The following WASHC4 variants were observed in gnomAD, a reference collection of about 807,000 sequenced individuals.
The protein encoded by WASHC4 is WASH complex subunit 4.
A neutral mutation model predicts 166.6 loss-of-function variants in WASHC4; 86 were observed. The observed-to-expected ratio is 0.52, with a 90% CI of 0.43 to 0.62. WASHC4 has a LOEUF of 0.62. Ranked by LOEUF, WASHC4 falls within the 20% of genes least tolerant of loss-of-function variation. The pLI, the probability that WASHC4 is intolerant of heterozygous loss-of-function variation, is 0.00. For missense variants in WASHC4, 1,262 were observed against 1,382.4 expected, an observed-to-expected ratio of 0.91 and a Z score of 1.38; for synonymous variants, 446 against 451.6, an observed-to-expected ratio of 0.99 and a Z score of 0.16.
At position 105,164,190 on chromosome 12, in the gene WASHC4, A is replaced by T; in HGVS notation, c.3237A>T (p.Lys1079Asn). The change falls in exon 31 of 33, where the codon AAA (lysine) becomes AAT (asparagine). Residue 1079 changes from lysine to asparagine, a missense_variant. Transcript: ENST00000332180. The stretch of plus-strand genomic sequence containing the variant: ...ACTGGTTCCAGTCTGTTAGAGAGAA[A>T]TACCTGAAGGAGATAAGAGCAGTTG... ...SLHWFQSVRE[K>N]YLKEIRAVAK... 1 of 1,614,136 alleles carries T rather than the reference A, an allele frequency of 6.2e-7. No homozygotes were observed.
At chr12:105,158,324 G>T (rs1445778509) in intron 28 of WASHC4, among the ~76,000 whole-genome samples, 1 of 152,116 alleles carries the variant, frequency 6.6e-6, no homozygotes, top group African/African-American at 2.4e-5. Flanking sequence ...GGAGAAAACT[G>T]TCTTTACAGT....
chr12:105,122,043 T>A lies in WASHC4; in HGVS notation c.666-75T>A. 3 of 1,110,050 alleles carry A rather than the reference T, an allele frequency of 2.7e-6. No homozygotes were observed. In the East Asian group the frequency reaches 7.9e-5, roughly 29 times the overall value. 68.8% of individuals were successfully genotyped at this position (1,110,050 alleles called of 1,614,324 possible). A position where few individuals can be genotyped will look rare whatever the true frequency, so the allele number is the denominator to read the frequency against. On this transcript the variant is annotated intron_variant, in intron 9 of 32. Coordinates refer to ENST00000332180, the MANE Select transcript of WASHC4 (RefSeq NM_015275.3). ...GAAATATAAATATAAAATTTTGACT[T>A]CCAGGAAAATTTTTAATTTTTAATT...
intron 26 of WASHC4, 99 bp from the exon 27 acceptor site, chr12:105,156,627 G>C: frequency 1.0e-6 from 1 of 967,722 alleles, no homozygotes; most frequent in South Asian, 1.5e-5. Flanking sequence ...TGGTTCTTAG[G>C]AGTGGAAACC....
intron 25 of WASHC4, among the ~76,000 whole-genome samples, chr12:105,152,078 G>C (rs1883814469): frequency 6.6e-6 from 1 of 152,154 alleles, no homozygotes; most frequent in Non-Finnish European, 1.5e-5. Context: ...TTTTCTGTTA[G>C]AGTTGTTGGA....
At chr12:105,115,879 C>T (rs894062836) in intron 6 of WASHC4, 151 bp downstream of exon 6, 1 of 628,334 alleles carries the variant, frequency 1.6e-6, no homozygotes, top group Non-Finnish European at 2.9e-6. Context: ...TTTAGGAGAT[C>T]ATAACTCCTA....
chr12:105,143,143 T>C lies in WASHC4; in HGVS notation c.1910T>C (p.Leu637Ser). The C allele has an allele frequency of 6.2e-7, 1 of 1,609,370 alleles. No homozygotes were observed. Among genetic ancestry groups the C allele is most frequent in the Non-Finnish European group, 8.5e-7 (1 of 1,176,048 alleles). The change falls in exon 20 of 33, where the codon TTG becomes TCG. Residue 637 changes from leucine to serine, a missense_variant. Leu to Ser is a moderately radical substitution (Grantham distance 145, BLOSUM62 -2). Transcript: ENST00000332180. Reference sequence around the variant, plus strand: ...TCTTCTTAGTACATGTTCAGTGCTTTGCGCGACTGTGTACCTGCTATGATG... The same window carrying C: ...TCTTCTTAGTACATGTTCAGTGCTTCGCGCGACTGTGTACCTGCTATGATG... ...AARLHYMFSA[L>S]RDCVPAMMHA...
intron 10 of WASHC4, among the ~76,000 whole-genome samples, chr12:105,124,944 G>A (rs892366483): frequency 4.6e-5 from 7 of 152,054 alleles, no homozygotes; most frequent in Admixed American, 2.6e-4. Context: ...TTTTACTCAC[G>A]CTAGCCACAT....
At chr12:105,151,380 A>G (rs1332813800) in intron 25 of WASHC4, among the ~76,000 whole-genome samples, 2 of 152,090 alleles carry the variant, frequency 1.3e-5, no homozygotes, top group African/African-American at 4.8e-5. Context: ...TCTCTTGTAT[A>G]ATGGTTGCTA....
chr12:105,163,244 C>T (rs1310617943), intron 30 of WASHC4, among the ~76,000 whole-genome samples: 1 of 152,190 alleles, frequency 6.6e-6, no homozygotes, highest in Non-Finnish European at 1.5e-5. Flanking sequence ...AGGCATGAGC[C>T]ACCATGCCCG....
At chr12:105,121,756 T>G (rs1880776242) in intron 9 of WASHC4, among the ~76,000 whole-genome samples, 1 of 152,222 alleles carries the variant, frequency 6.6e-6, no homozygotes, top group African/African-American at 2.4e-5. Flanking sequence ...TCCGCCCGCC[T>G]TGGCCTCCCA....
chr12:105,141,607 C>T (rs144998938), intron 18 of WASHC4, among the ~76,000 whole-genome samples: 9 of 152,272 alleles, frequency 5.9e-5, no homozygotes, highest in East Asian at 1.9e-4. Flanking sequence ...ATCCATGATA[C>T]GTAGTGTTCT....
rs1469905276 is a variant in WASHC4, at chr12:105,120,535, T to G, written c.519-20T>G. The G allele has an allele frequency of 1.3e-6, 2 of 1,525,646 alleles. No homozygotes were observed. The highest frequency in any genetic ancestry group is 1.8e-6 in the Non-Finnish European group (2 of 1,100,098). The allele number at this position is 1,525,646 out of a possible 1,614,324, so 94.5% of individuals were successfully genotyped here. ...GACAAAAAGGAAGTTTTTTTTAACTTGGTTGTTATTTTATTATAGGATTGC... is the reference window on the plus strand; with the variant it reads ...GACAAAAAGGAAGTTTTTTTTAACTGGGTTGTTATTTTATTATAGGATTGC... On this transcript the variant is annotated intron_variant, in intron 7 of 32. Transcript: ENST00000332180.
At chr12:105,112,667 A>G (rs904294974) in intron 2 of WASHC4, among the ~76,000 whole-genome samples, 55 of 152,176 alleles carry the variant, frequency 3.6e-4, no homozygotes, top group African/African-American at 1.3e-3. Context: ...AATGTTGAGC[A>G]TCTTTTCATG....
At chr12:105,136,763 A>G (rs529042689) in intron 14 of WASHC4, among the ~76,000 whole-genome samples, 8 of 152,222 alleles carry the variant, frequency 5.3e-5, no homozygotes, top group Non-Finnish European at 1.0e-4. Flanking sequence ...TTCTGCATGT[A>G]TGTGCCAAGC....
In WASHC4 at chr12:105,110,206, G is replaced by A. The variant is rs139356941; in HGVS notation, c.62-919G>A. On this transcript the variant is annotated intron_variant, in intron 1 of 32. Coordinates refer to ENST00000332180, the MANE Select transcript of WASHC4 (RefSeq NM_015275.3). ...TGGTTGAAGAATAAAGGAGAGTGGG[G>A]GCTAGGTCTTTATACTTTAATACAG... Among the ~76,000 whole-genome samples the A allele has an allele frequency of 3.6e-3, 550 of 152,246 alleles. 3 individuals are homozygous for A. The highest frequency in any genetic ancestry group is 5.3e-3 in the Non-Finnish European group (360 of 68,012).
intron 2 of WASHC4, among the ~76,000 whole-genome samples, chr12:105,111,816 T>A (rs1240748377): frequency 2.0e-5 from 3 of 152,224 alleles, no homozygotes; most frequent in Non-Finnish European, 4.4e-5. Context: ...AAAAATAATT[T>A]ACATTTTATT....
intron 1 of WASHC4, among the ~76,000 whole-genome samples, chr12:105,109,155 C>T (rs950777222): frequency 1.6e-4 from 25 of 152,096 alleles, no homozygotes; most frequent in Admixed American, 6.6e-5. Flanking sequence ...AAAAATTAAC[C>T]TTGGAGATAA....
chr12:105,131,057 T>C (rs966067897), intron 13 of WASHC4, among the ~76,000 whole-genome samples: 6 of 151,616 alleles, frequency 4.0e-5, no homozygotes, highest in African/African-American at 1.4e-4. Context: ...AGCAGTTTTG[T>C]TTTTATATAT....
At chr12:105,145,386 T>A (rs954465715) in intron 22 of WASHC4, among the ~76,000 whole-genome samples, 15 of 151,104 alleles carry the variant, frequency 9.9e-5, no homozygotes, top group African/African-American at 3.7e-4. Context: ...TAATTTATGT[T>A]ATCAGATAAT....
Sources: allele counts gnomAD v4.1 joint callset (sites outside exome capture counted in the v4.1 genomes callset), GRCh38; gene constraint gnomAD v4.1.1; transcripts MANE v1.5; gene names NCBI Gene and HGNC (gene_info 2026-07-23, HGNC 2026-07-21).